The following CHRNG variants were observed in gnomAD, a reference collection of about 807,000 sequenced individuals.
The protein encoded by CHRNG is acetylcholine receptor subunit gamma.
Under a neutral mutation model 65.2 loss-of-function variants are expected in CHRNG, and 72 were observed. The observed-to-expected ratio is 1.10, with a 90% CI of 0.91 to 1.34. The LOEUF (loss-of-function observed/expected upper bound fraction) is 1.34. Among genes scored for constraint, CHRNG ranks in the 40% most tolerant of loss-of-function variants. The pLI, the probability that CHRNG is intolerant of heterozygous loss-of-function variation, is 0.00. For missense variants in CHRNG, 637 were observed against 680.1 expected (o/e 0.94, Z 0.70); for synonymous variants, 284 against 290.2 (o/e 0.98, Z 0.22).
In CHRNG at chr2:232,540,367, C is replaced by A. The variant is rs1170242857; in HGVS notation, c.196-14C>A. ...GGGGGCTGAGCCCTCCATACTACACCCTTGCACCCCCAGAACGAGCGAGAG... is the reference window on the plus strand; with the variant it reads ...GGGGGCTGAGCCCTCCATACTACACACTTGCACCCCCAGAACGAGCGAGAG... On this transcript the variant is annotated splice_polypyrimidine_tract_variant and intron_variant, in intron 2 of 11. Transcript: ENST00000651502. This position sits in a 1 kb window ranked among gnomAD's most constrained non-coding sequence, Gnocchi z 4.2. The A allele has an allele frequency of 6.2e-7, 1 of 1,614,054 alleles. No individual in the cohort carries two copies. The highest frequency in any genetic ancestry group is 1.1e-5 in the South Asian group (1 of 91,082).
At position 232,543,545 on chromosome 2, in the gene CHRNG, T is replaced by C. The variant is rs114074587; in HGVS notation, c.921-40T>C. The C allele has an allele frequency of 1.1e-3, 1,470 of 1,386,584 alleles. 13 individuals carry two copies. The African/African-American group carries it at 0.019, about 18-fold the overall frequency. 85.9% of individuals were successfully genotyped at this position (1,386,584 alleles called of 1,614,324 possible). A position where few individuals can be genotyped will look rare whatever the true frequency, so the allele number is the denominator to read the frequency against. On this transcript the variant is annotated intron_variant, in intron 8 of 11. Coordinates refer to ENST00000651502, the MANE Select transcript of CHRNG (RefSeq NM_005199.5). ...GCCACTAAGCGTGGGGGTGGCATCA[T>C]GGTATGGGCTGCCAGCTCCTGCCCA...
intron 11 of CHRNG, 108 bp from the exon 12 acceptor site, chr2:232,545,434 GC>G (rs1472958681): frequency 4.9e-6 from 5 of 1,024,186 alleles, no homozygotes; most frequent in Non-Finnish European, 5.9e-6. Context: ...GGTAAGAAGG[GC>G]CCCAGGAAAT....
In CHRNG at chr2:232,541,360, T is replaced by C; in HGVS notation, c.351-14T>C. Reference sequence around the variant, plus strand: ...GCCCACAGCCTCGTGGCCTGGCCTGTTCTGTGCATACAGCGTGGACGGTGT... The same window carrying C: ...GCCCACAGCCTCGTGGCCTGGCCTGCTCTGTGCATACAGCGTGGACGGTGT... On this transcript the variant is annotated splice_polypyrimidine_tract_variant and intron_variant, in intron 4 of 11. Transcript: ENST00000651502. This position sits in a 1 kb window ranked among gnomAD's most constrained non-coding sequence, Gnocchi z 4.0. 2 of 1,613,956 alleles carry C rather than the reference T, an allele frequency of 1.2e-6. No individual in the cohort carries two copies. Among genetic ancestry groups the C allele is most frequent in the Non-Finnish European group, 1.7e-6 (2 of 1,179,942 alleles).
At position 232,545,545 on chromosome 2, in the gene CHRNG, G is replaced by T. The variant is rs773983788; in HGVS notation, c.1383G>T (p.Gly461=). ...CCACACCTGCCTCCCACCCTCAGGGGAATGAGGAGTGGTTCCTGGTGGGCC... is the reference window on the plus strand; with the variant it reads ...CCACACCTGCCTCCCACCCTCAGGGTAATGAGGAGTGGTTCCTGGTGGGCC... ...ARHQQSHFDN[G]NEEWFLVGRV... Residue 461 remains glycine (G), a splice_region_variant and synonymous_variant, in exon 12 of 12, where the codon GGG becomes GGT. Coordinates refer to ENST00000651502, the MANE Select transcript of CHRNG (RefSeq NM_005199.5). The T allele has an allele frequency of 6.2e-7, 1 of 1,613,560 alleles. No individual in the cohort carries two copies. Among genetic ancestry groups the T allele is most frequent in the South Asian group, 1.1e-5 (1 of 91,042 alleles).
rs777583959 is a variant in CHRNG at position 232,543,718 on chromosome 2, C to A, written c.1035+19C>A. 4.2e-6 allele frequency: 6 copies of A among 1,435,688 alleles called. No individual in the cohort carries two copies. Among genetic ancestry groups the A allele is most frequent in the Non-Finnish European group, 4.9e-6 (5 of 1,017,956 alleles). 88.9% of individuals were successfully genotyped at this position (1,435,688 alleles called of 1,614,324 possible). On this transcript the variant is annotated intron_variant, in intron 9 of 11. Transcript: ENST00000651502. ...CCGCAAGGCAAGGACCCTCCCTGCC[C>A]ACTTCAACATCCCGCTGCCCACTCC...
rs1382677278 is a variant in CHRNG at position 232,543,067 on chromosome 2, T to C, written c.790T>C (p.Phe264Leu). The C allele has an allele frequency of 6.2e-7, 1 of 1,614,120 alleles. No homozygotes were observed. Residue 264 changes from phenylalanine (F) to leucine (L), a missense_variant, in exon 7 of 12, where the codon TTC becomes CTC. Physicochemically the swap from Phe to Leu is conservative, Grantham distance 22 (BLOSUM62 0). Coordinates refer to ENST00000651502, the MANE Select transcript of CHRNG (RefSeq NM_005199.5). ...CTCCTCTGTCGCCATCCTCATCCAC[T>C]TCCTTCCTGCCAAGGGTACCTGGAG... ...LISSVAILIH[F>L]LPAKAGGQKC...
Position 232,541,344 on chromosome 2 carries a change from C to T in CHRNG, c.351-30C>T, listed in dbSNP as rs2853460. The T allele has an allele frequency of 1.2e-6, 2 of 1,613,636 alleles. No homozygotes were observed. Among genetic ancestry groups the T allele is most frequent in the Non-Finnish European group, 1.7e-6 (2 of 1,179,894 alleles). Reference sequence around the variant, plus strand: ...GGGTGTCGGGGGCTGAGCCCACAGCCTCGTGGCCTGGCCTGTTCTGTGCAT... The same window carrying T: ...GGGTGTCGGGGGCTGAGCCCACAGCTTCGTGGCCTGGCCTGTTCTGTGCAT... On this transcript the variant is annotated intron_variant, in intron 4 of 11. Coordinates refer to ENST00000651502, the MANE Select transcript of CHRNG (RefSeq NM_005199.5). This position sits in a 1 kb window ranked among gnomAD's most constrained non-coding sequence, Gnocchi z 4.0.
Position 232,540,258 on chromosome 2 carries a change from C to T in CHRNG, c.196-123C>T, listed in dbSNP as rs2106219957. On this transcript the variant is annotated intron_variant, in intron 2 of 11. Coordinates refer to ENST00000651502, the MANE Select transcript of CHRNG (RefSeq NM_005199.5). The surrounding 1 kb of genome is among the most constrained non-coding windows in gnomAD (Gnocchi z 4.2). ...TCGGACAGGCTGGGGTCTGGAAAAC[C>T]CCCATGGTTGTGGGGGGAGTACTAT... 1 of 1,600,920 alleles carries T rather than the reference C, an allele frequency of 6.2e-7. No individual in the cohort carries two copies. Among genetic ancestry groups the T allele is most frequent in the East Asian group, 2.2e-5 (1 of 44,796 alleles).
chr2:232,545,647 C>T lies in CHRNG; in HGVS notation c.1485C>T (p.Ala495=). 1 of 1,614,208 alleles carries T rather than the reference C, an allele frequency of 6.2e-7. No homozygotes were observed. Among genetic ancestry groups the T allele is most frequent in the Non-Finnish European group, 8.5e-7 (1 of 1,180,038 alleles). Residue 495 remains alanine, a synonymous_variant, in exon 12 of 12, where the codon GCC becomes GCT. Transcript: ENST00000651502. ...ICGTAGIFLM[A]HYNRVPALPF... is the part of the protein sequence containing the mutation. ...GCACAGCTGGCATCTTCCTCATGGCCCACTACAACCGGGTGCCGGCCCTGC... is the reference window on the plus strand; with the variant it reads ...GCACAGCTGGCATCTTCCTCATGGCTCACTACAACCGGGTGCCGGCCCTGC...
chr2:232,547,947 C>T lies in CHRNG; in HGVS notation c.*2231C>T, dbSNP rs1243956109. 2.9e-5 allele frequency: 13 copies of T among 452,084 alleles called. No individual in the cohort carries two copies. Among genetic ancestry groups the T allele is most frequent in the Non-Finnish European group, 4.2e-5 (11 of 259,590 alleles). 28.0% of individuals were successfully genotyped at this position (452,084 alleles called of 1,614,324 possible). On this transcript the variant is annotated 3_prime_UTR_variant, in exon 12 of 12. Coordinates refer to ENST00000651502, the MANE Select transcript of CHRNG (RefSeq NM_005199.5). The stretch of plus-strand genomic sequence containing the variant: ...CATTGCAGGTTCAGTTCCAGACCAA[C>T]ACAAGAAAGCAAGTCACATGAATGT...
chr2:232,539,804 T>C lies in CHRNG; in HGVS notation c.55+2T>C. The C allele has an allele frequency of 1.2e-6, 2 of 1,613,696 alleles. No individual in the cohort carries two copies. Among genetic ancestry groups the C allele is most frequent in the Non-Finnish European group, 1.7e-6 (2 of 1,179,970 alleles). ...TGCTGCTGCTGGCTGTCTGCCTGGG[T>C]GGGACACAAAGGAATCTCAGCCTGG... is the stretch of plus-strand genomic sequence containing the variant. On this transcript the variant is annotated splice_donor_variant, in intron 1 of 11. Transcript: ENST00000651502. LOFTEE classifies it high-confidence loss of function.
rs1370842858 is a variant in CHRNG, at chr2:232,540,371, G to A, written c.196-10G>A. On this transcript the variant is annotated splice_polypyrimidine_tract_variant and intron_variant, in intron 2 of 11. Coordinates refer to ENST00000651502, the MANE Select transcript of CHRNG (RefSeq NM_005199.5). This position sits in a 1 kb window ranked among gnomAD's most constrained non-coding sequence, Gnocchi z 4.2. ...GCTGAGCCCTCCATACTACACCCTT[G>A]CACCCCCAGAACGAGCGAGAGGAAG... 2 of 1,613,900 alleles carry A rather than the reference G, an allele frequency of 1.2e-6. No individual in the cohort carries two copies. The highest frequency in any genetic ancestry group is 2.2e-5 in the South Asian group (2 of 91,082).
chr2:232,542,723 G>A (rs1189413467), intron 6 of CHRNG, among the ~76,000 whole-genome samples, 159 bp from the exon 7 acceptor site: 2 of 152,326 alleles, frequency 1.3e-5, no homozygotes, highest in East Asian at 1.9e-4. Flanking sequence ...GAAGAGGCTC[G>A]AGCATCCAAT....
chr2:232,546,636 C>A lies in CHRNG; in HGVS notation c.*920C>A, dbSNP rs1692139476. Among the ~76,000 whole-genome samples the A allele has an allele frequency of 6.6e-6, 1 of 152,072 alleles. No individual in the cohort carries two copies. Among genetic ancestry groups the A allele is most frequent in the Non-Finnish European group, 1.5e-5 (1 of 68,026 alleles). On this transcript the variant is annotated 3_prime_UTR_variant, in exon 12 of 12. Transcript: ENST00000651502. ...ACAGGCATAAGCCACTGTACCTGGC[C>A]TCCTTTTTAATTAAGAGCTCCTCAC...
chr2:232,540,371 G>T lies in CHRNG; in HGVS notation c.196-10G>T, dbSNP rs1370842858. 2 of 1,614,018 alleles carry T rather than the reference G, an allele frequency of 1.2e-6. No homozygotes were observed. The highest frequency in any genetic ancestry group is 2.2e-5 in the South Asian group (2 of 91,078). On this transcript the variant is annotated splice_polypyrimidine_tract_variant and intron_variant, in intron 2 of 11. Transcript: ENST00000651502. The surrounding 1 kb of genome is among the most constrained non-coding windows in gnomAD (Gnocchi z 4.2). ...GCTGAGCCCTCCATACTACACCCTT[G>T]CACCCCCAGAACGAGCGAGAGGAAG...
intron 1 of CHRNG, 39 bp from the exon 2 acceptor site, chr2:232,539,953 C>A (rs749440943): frequency 1.2e-6 from 2 of 1,613,720 alleles, no homozygotes; most frequent in Non-Finnish European, 1.7e-6. Context: ...GCTCTTTCCA[C>A]CTCCAAGCTC....
chr2:232,542,997 G>T lies in CHRNG; in HGVS notation c.720G>T (p.Lys240Asn), dbSNP rs1049133814. Residue 240 changes from lysine to asparagine, a missense_variant, in exon 7 of 12, where the codon AAG becomes AAT. Lys to Asn is a moderately conservative substitution (Grantham distance 94). Coordinates refer to ENST00000651502, the MANE Select transcript of CHRNG (RefSeq NM_005199.5). ...KVVFYLLIQR[K>N]PLFYVINIIA... ...TGTTCTACCTGCTCATCCAGCGCAA[G>T]CCCCTCTTCTACGTCATCAACATCA... is the stretch of plus-strand genomic sequence containing the variant. 1.9e-6 allele frequency: 3 copies of T among 1,614,088 alleles called. No homozygotes were observed. The African/African-American group carries it at 4.0e-5, about 22-fold the overall frequency.
Position 232,541,003 on chromosome 2 carries a change from A to G in CHRNG, c.350+292A>G, listed in dbSNP as rs1171560826. On this transcript the variant is annotated intron_variant, in intron 4 of 11. Coordinates refer to ENST00000651502, the MANE Select transcript of CHRNG (RefSeq NM_005199.5). This position sits in a 1 kb window ranked among gnomAD's most constrained non-coding sequence, Gnocchi z 4.0. The stretch of plus-strand genomic sequence containing the variant: ...ATGGGGCCGCTGACGGGTCCTATAG[A>G]AGCTGGCGAGAGTCAACAAGACAGG... Among the ~76,000 whole-genome samples the G allele has an allele frequency of 1.3e-5, 2 of 151,946 alleles. No homozygotes were observed. Among genetic ancestry groups the G allele is most frequent in the Admixed American group, 6.5e-5 (1 of 15,274 alleles).
At chr2:232,542,579 C>A (rs1222398317) in intron 6 of CHRNG, 59 bp downstream of exon 6, 1 of 1,226,020 alleles carries the variant, frequency 8.2e-7, no homozygotes, top group Non-Finnish European at 1.2e-6. Flanking sequence ...CTGGACCCAG[C>A]TGTGGTCAAG....
Sources: allele counts gnomAD v4.1 joint callset (sites outside exome capture counted in the v4.1 genomes callset), GRCh38; gene constraint gnomAD v4.1.1; non-coding constraint Gnocchi (gnomAD v3.1); transcripts MANE v1.5; gene names NCBI Gene and HGNC (gene_info 2026-07-23, HGNC 2026-07-21).